Variants in HTR5A observed in about 807,000 individuals in gnomAD.
HTR5A encodes the protein 5-hydroxytryptamine receptor 5A, also known as 5-HT-5.
HTR5A carries 21 observed loss-of-function variants against 24.3 expected under a neutral mutation model. The ratio of observed to expected loss-of-function variants is 0.86; its 90% CI spans 0.61 to 1.24. The LOEUF is 1.24. Ranked by LOEUF, HTR5A falls within the 50% of genes most tolerant of loss-of-function variation. HTR5A has a pLI of 0.00. For missense variants in HTR5A, 497 were observed against 489.5 expected (o/e 1.02, Z -0.15); for synonymous variants, 260 against 213.7 (o/e 1.22, Z -1.89).
At position 155,071,242 on chromosome 7, in the gene HTR5A, C is replaced by T; in HGVS notation, c.343C>T (p.Gln115Ter). ...CTGGCAGCTAGGTCGGAGGCTGTGC[C>T]AGCTTTGGATCGCGTGCGACGTGCT... ...RRWQLGRRLC[Q>*]LWIACDVLCC... Residue 115 changes from glutamine (Q) to a stop codon, truncating the protein, a stop_gained, in exon 1 of 2, where the codon CAG (glutamine) becomes TAG (stop). Coordinates refer to ENST00000287907, the MANE Select transcript of HTR5A (RefSeq NM_024012.4). LOFTEE classifies it high-confidence loss of function. 6.2e-7 allele frequency: 1 copy of T among 1,605,030 alleles called. No individual in the cohort carries two copies. Among genetic ancestry groups the T allele is most frequent in the Non-Finnish European group, 8.5e-7 (1 of 1,179,916 alleles).
At chr7:155,071,941 A>G (rs1795300669) in intron 1 of HTR5A, among the ~76,000 whole-genome samples, 1 of 152,100 alleles carries the variant, frequency 6.6e-6, no homozygotes, top group Non-Finnish European at 1.5e-5. Context: ...AATTCTATGG[A>G]TCTATAACAC....
Position 155,070,797 on chromosome 7 carries a change from C to A in HTR5A, c.-103C>A. 8.1e-7 allele frequency: 1 copy of A among 1,233,762 alleles called. No homozygotes were observed. The highest frequency in any genetic ancestry group is 1.1e-6 in the Non-Finnish European group (1 of 887,040). 76.4% of individuals were successfully genotyped at this position (1,233,762 alleles called of 1,614,324 possible). A position where few individuals can be genotyped will look rare whatever the true frequency, so the allele number is the denominator to read the frequency against. ...ACTTTCCAGAAACTCCCCCACTGGC[C>A]AGAGGTTGCAAACATCCGGATTGGC... On this transcript the variant is annotated 5_prime_UTR_variant, in exon 1 of 2. Transcript: ENST00000287907.
rs764957178 is a variant in HTR5A, at chr7:155,071,642, T to C, written c.741+2T>C. On this transcript the variant is annotated splice_donor_variant, in intron 1 of 1. Coordinates refer to ENST00000287907, the MANE Select transcript of HTR5A (RefSeq NM_024012.4). LOFTEE classifies it high-confidence loss of function. ...TCACCCATATCCGAAGCTGTGGAGG[T>C]GGGTATCTCAGCAATCCTTAAAAAT... 22 of 1,612,646 alleles carry C rather than the reference T, an allele frequency of 1.4e-5. No individual in the cohort carries two copies. Among genetic ancestry groups the C allele is most frequent in the East Asian group, 2.2e-5 (1 of 44,870 alleles).
chr7:155,071,213 G>A lies in HTR5A; in HGVS notation c.314G>A (p.Arg105His), dbSNP rs763809843. ...AGCCTGGTGCACGAGCTGTCCGGGCGCCGCTGGCAGCTAGGTCGGAGGCTG... is the reference window on the plus strand; with the variant it reads ...AGCCTGGTGCACGAGCTGTCCGGGCACCGCTGGCAGCTAGGTCGGAGGCTG... ...PLSLVHELSGRRWQLGRRLCQ... is the reference protein window; with the variant it reads ...PLSLVHELSGHRWQLGRRLCQ... Residue 105 changes from arginine to histidine, a missense_variant, in exon 1 of 2, where the codon CGC (arginine) becomes CAC (histidine). Physicochemically the swap from Arg to His is conservative, Grantham distance 29 (BLOSUM62 0). Transcript: ENST00000287907. The A allele has an allele frequency of 5.0e-6, 8 of 1,602,904 alleles. No homozygotes were observed. Among genetic ancestry groups the A allele is most frequent in the Admixed American group, 3.3e-5 (2 of 59,990 alleles).
intron 1 of HTR5A, among the ~76,000 whole-genome samples, chr7:155,075,597 G>C (rs962339310): frequency 2.0e-5 from 3 of 152,178 alleles, no homozygotes; most frequent in Non-Finnish European, 2.9e-5. Flanking sequence ...AGTCCCAAAA[G>C]TTTCTTGTGT....
chr7:155,073,194 G>T (rs995671490), intron 1 of HTR5A, among the ~76,000 whole-genome samples: 1 of 151,948 alleles, frequency 6.6e-6, no homozygotes, highest in South Asian at 2.1e-4. Flanking sequence ...GGTGGCAGGC[G>T]CCTGTAGTCC....
rs1488901382 is a variant in HTR5A at position 155,070,904 on chromosome 7, A to G, written c.5A>G (p.Asp2Gly). 5 of 1,599,112 alleles carry G rather than the reference A, an allele frequency of 3.1e-6. No homozygotes were observed. Among genetic ancestry groups the G allele is most frequent in the Non-Finnish European group, 3.4e-6 (4 of 1,177,772 alleles). The change falls in exon 1 of 2, where the codon GAT (aspartate) becomes GGT (glycine). Residue 2 changes from aspartate (D) to glycine (G), a missense_variant. By Grantham distance (94) the Asp-to-Gly change is moderately conservative. Transcript: ENST00000287907. M[D>G]LPVNLTSFSL... ...GGGCGGTCTCCTGACCCAGAGATGG[A>G]TTTACCTGTGAACCTAACCTCCTTT...
At chr7:155,079,522 T>C (rs1439271769) in intron 1 of HTR5A, among the ~76,000 whole-genome samples, 1 of 152,236 alleles carries the variant, frequency 6.6e-6, no homozygotes, top group African/African-American at 2.4e-5. Flanking sequence ...AGAGGCTGAC[T>C]TTTAGCCATT....
At chr7:155,076,810 T>C (rs1055287157) in intron 1 of HTR5A, among the ~76,000 whole-genome samples, 1 of 152,346 alleles carries the variant, frequency 6.6e-6, no homozygotes, top group Non-Finnish European at 1.5e-5. Context: ...AAAGGCCTAA[T>C]ACCAAATGTT....
In HTR5A at chr7:155,084,483, A is replaced by T. The variant is rs745353794; in HGVS notation, c.1070A>T (p.His357Leu). The T allele has an allele frequency of 1.2e-6, 2 of 1,606,350 alleles. No homozygotes were observed. Among genetic ancestry groups the T allele is most frequent in the South Asian group, 2.2e-5 (2 of 90,256 alleles). ...TTCAAGAACTTCTTTTCTAGGCAAC[A>T]CTGAGGGAGAGGACCAGGATTGAAA... Reference protein sequence around the residue: ...SAFKNFFSRQH With the variant: ...SAFKNFFSRQL The change falls in exon 2 of 2, where the codon CAC becomes CTC. Residue 357 changes from histidine (H) to leucine (L), a missense_variant. Coordinates refer to ENST00000287907, the MANE Select transcript of HTR5A (RefSeq NM_024012.4).
At chr7:155,073,899 A>ATATG (rs1563419668) in intron 1 of HTR5A, among the ~76,000 whole-genome samples, 1 of 15,400 alleles carries the variant, frequency 6.5e-5, no homozygotes, top group African/African-American at 7.5e-5. Flanking sequence ...GTATATATAT[A>ATATG]TATATATATA....
Position 155,078,805 on chromosome 7 carries a change from A to G in HTR5A, c.742-5350A>G, listed in dbSNP as rs1795386275. On this transcript the variant is annotated intron_variant, in intron 1 of 1. Transcript: ENST00000287907. Reference sequence around the variant, plus strand: ...AAGAGGATTTTAGTTAATTTAACTAATTAGTACACATCTATAGTTCAAGAA... The same window carrying G: ...AAGAGGATTTTAGTTAATTTAACTAGTTAGTACACATCTATAGTTCAAGAA... Among the ~76,000 whole-genome samples the G allele has an allele frequency of 3.6e-5, 5 of 140,508 alleles. No homozygotes were observed. In the Admixed American group the frequency reaches 3.7e-4, roughly 10 times the overall value. 92.2% of individuals were successfully genotyped at this position (140,508 alleles called of 152,430 possible). A position where few individuals can be genotyped will look rare whatever the true frequency, so the allele number is the denominator to read the frequency against.
intron 1 of HTR5A, among the ~76,000 whole-genome samples, chr7:155,082,841 C>T (rs1183240598): frequency 2.0e-5 from 3 of 152,174 alleles, no homozygotes; most frequent in Non-Finnish European, 4.4e-5. Context: ...ACTCTGGTTT[C>T]ATCTAGAGGT....
intron 1 of HTR5A, among the ~76,000 whole-genome samples, chr7:155,080,473 T>G (rs1795403581): frequency 6.6e-6 from 1 of 152,292 alleles, no homozygotes; most frequent in African/African-American, 2.4e-5. Flanking sequence ...GGCAATTGAG[T>G]TTGGGGCCCA....
Position 155,084,234 on chromosome 7 carries a change from C to A in HTR5A, c.821C>A (p.Thr274Lys). The A allele has an allele frequency of 4.3e-6, 7 of 1,614,072 alleles. No individual in the cohort carries two copies. Among genetic ancestry groups the A allele is most frequent in the Non-Finnish European group, 5.1e-6 (6 of 1,180,008 alleles). ...ATVTFQPEGD[T>K]WREQKEQRAA... ...GTCACCTTCCAGCCAGAAGGGGACA[C>A]GTGGCGGGAGCAGAAGGAGCAGCGG... The change falls in exon 2 of 2, where the codon ACG becomes AAG. Residue 274 changes from threonine (T) to lysine (K), a missense_variant. Coordinates refer to ENST00000287907, the MANE Select transcript of HTR5A (RefSeq NM_024012.4).
At position 155,073,469 on chromosome 7, in the gene HTR5A, G is replaced by C. The variant is rs566457069; in HGVS notation, c.741+1829G>C. Among the ~76,000 whole-genome samples, 70 of 152,198 alleles carry C rather than the reference G, an allele frequency of 4.6e-4. No homozygotes were observed. In the South Asian group the frequency reaches 0.014, roughly 31 times the overall value. Reference sequence around the variant, plus strand: ...AAAATGTCAATCGTACTGAATTTGGGTAACTCTGATCTATTAGATTTCTAA... The same window carrying C: ...AAAATGTCAATCGTACTGAATTTGGCTAACTCTGATCTATTAGATTTCTAA... On this transcript the variant is annotated intron_variant, in intron 1 of 1. Coordinates refer to ENST00000287907, the MANE Select transcript of HTR5A (RefSeq NM_024012.4).
intron 1 of HTR5A, among the ~76,000 whole-genome samples, chr7:155,073,865 G>GTGTATATATATATAGTA (rs1554519604): frequency 1.7e-5 from 1 of 57,312 alleles, no homozygotes; most frequent in Non-Finnish European, 3.2e-5. Context: ...GTGTGTGTGT[G>GTGTATATATATATAGTA]TATATATATA....
rs938024096 is a variant in HTR5A at position 155,084,035 on chromosome 7, C to G, written c.742-120C>G. The G allele has an allele frequency of 6.6e-6, 5 of 757,942 alleles. No individual in the cohort carries two copies. The East Asian group carries it at 8.1e-5, about 12-fold the overall frequency. 47.0% of individuals were successfully genotyped at this position (757,942 alleles called of 1,614,324 possible). On this transcript the variant is annotated intron_variant, in intron 1 of 1. Coordinates refer to ENST00000287907, the MANE Select transcript of HTR5A (RefSeq NM_024012.4). ...GCCACAGGCCTTCAGGTTCCCACAC[C>G]TATCCATCGAAGACTTTCCCTTGAG...
Position 155,084,455 on chromosome 7 carries a change from G to T in HTR5A, c.1042G>T (p.Ala348Ser). ...YTAFNKNYNSAFKNFFSRQH is the reference protein window; with the variant it reads ...YTAFNKNYNSSFKNFFSRQH ...GGCTTTCAACAAGAACTACAACAGCGCCTTCAAGAACTTCTTTTCTAGGCA... is the reference window on the plus strand; with the variant it reads ...GGCTTTCAACAAGAACTACAACAGCTCCTTCAAGAACTTCTTTTCTAGGCA... Residue 348 changes from alanine to serine, a missense_variant, in exon 2 of 2, where the codon GCC (alanine) becomes TCC (serine). Ala to Ser is a moderately conservative substitution (Grantham distance 99, BLOSUM62 1). Coordinates refer to ENST00000287907, the MANE Select transcript of HTR5A (RefSeq NM_024012.4). 3 of 1,613,118 alleles carry T rather than the reference G, an allele frequency of 1.9e-6. No homozygotes were observed. Among genetic ancestry groups the T allele is most frequent in the Non-Finnish European group, 2.5e-6 (3 of 1,179,406 alleles).
Sources: gnomAD v4.1 joint callset for allele counts (sites outside exome capture counted in the v4.1 genomes callset) on GRCh38, gnomAD v4.1.1 for gene constraint, MANE v1.5 for transcripts, NCBI Gene and HGNC (gene_info 2026-07-23, HGNC 2026-07-21) for gene names.